Variants in CCM2 observed in about 807,000 individuals in gnomAD.
CCM2 encodes cerebral cavernous malformations 2 protein.
In CCM2, 25 loss-of-function variants were observed where a neutral mutation model predicts 44.9. The observed-to-expected ratio is 0.56, with a 90% CI of 0.41 to 0.78. The LOEUF (loss-of-function observed/expected upper bound fraction) is 0.78. CCM2 is among the 30% of genes least tolerant of loss of function. The pLI is 0.00. For missense variants in CCM2, 481 were observed against 580.6 expected (o/e 0.83, Z 1.76); for synonymous variants, 219 against 241.1 (o/e 0.91, Z 0.85).
intron 2 of CCM2, among the ~76,000 whole-genome samples, chr7:45,063,597 C>T (rs1798624735): frequency 6.6e-6 from 1 of 152,324 alleles, no homozygotes; most frequent in African/African-American, 2.4e-5. Context: ...AAACCCTGAC[C>T]ATCCCTGTTT....
chr7:45,019,314 A>G (rs1172230782), intron 1 of CCM2, among the ~76,000 whole-genome samples: 2 of 151,922 alleles, frequency 1.3e-5, no homozygotes, highest in African/African-American at 4.8e-5. Context: ...GCCTCAAGCC[A>G]TCCTCCTGCT....
chr7:45,040,981 C>T (rs1041526410), intron 2 of CCM2, among the ~76,000 whole-genome samples: 1 of 152,214 alleles, frequency 6.6e-6, no homozygotes, highest in Admixed American at 6.5e-5. Context: ...CAGCGTGAGA[C>T]GCGGTCTTCA....
chr7:45,067,089 A>G (rs911123661), intron 4 of CCM2, among the ~76,000 whole-genome samples: 1 of 151,654 alleles, frequency 6.6e-6, no homozygotes, highest in Non-Finnish European at 1.5e-5. Context: ...TTTAGTAGAG[A>G]TAGTATTTCA....
intron 1 of CCM2, among the ~76,000 whole-genome samples, chr7:45,018,996 A>G (rs1401176331): frequency 6.8e-6 from 1 of 147,326 alleles, no homozygotes; most frequent in African/African-American, 2.5e-5. Context: ...CTGACCTCAG[A>G]TGATCTGCCT....
chr7:45,072,965 C>T, intron 7 of CCM2, 182 bp downstream of exon 7: 1 of 679,144 alleles, frequency 1.5e-6, no homozygotes, highest in Non-Finnish European at 2.7e-6. Flanking sequence ...TCCTCGTAGA[C>T]TTCTAGAGCC....
chr7:45,021,792 G>A (rs1796492003), intron 1 of CCM2, among the ~76,000 whole-genome samples: 1 of 151,908 alleles, frequency 6.6e-6, no homozygotes, highest in Non-Finnish European at 1.5e-5. Context: ...GGAAGGTGGA[G>A]TCATTGTTCC....
intron 1 of CCM2, among the ~76,000 whole-genome samples, chr7:45,019,059 C>CTTTT (rs34045609): frequency 1.2e-4 from 11 of 93,306 alleles, no homozygotes; most frequent in African/African-American, 2.0e-4. Context: ...TGCGCCTGGC[C>CTTTT]TTTTTTTTTT....
chr7:45,006,141 C>G (rs1332725856), intron 1 of CCM2, among the ~76,000 whole-genome samples: 1 of 151,778 alleles, frequency 6.6e-6, no homozygotes, highest in Non-Finnish European at 1.5e-5. Flanking sequence ...ATGAAAACTT[C>G]AAAAGCAAAT....
intron 1 of CCM2, among the ~76,000 whole-genome samples, chr7:45,016,268 G>T (rs1047849690): frequency 6.6e-6 from 1 of 152,234 alleles, no homozygotes; most frequent in Non-Finnish European, 1.5e-5. Flanking sequence ...TATAGGAGGA[G>T]TTATGAATAT....
At chr7:45,067,999 A>C in intron 4 of CCM2, 1 of 249,098 alleles carries the variant, frequency 4.0e-6, no homozygotes, top group Non-Finnish European at 8.0e-6. Flanking sequence ...GTAGGATGTT[A>C]GAAACAAGGG....
intron 2 of CCM2, among the ~76,000 whole-genome samples, chr7:45,058,928 G>A (rs1160219382): frequency 7.1e-6 from 1 of 141,774 alleles, no homozygotes; most frequent in Non-Finnish European, 1.5e-5. Context: ...TATTTTTAGT[G>A]TAAACGGGGT....
intron 2 of CCM2, among the ~76,000 whole-genome samples, chr7:45,054,500 C>T (rs549915647): frequency 4.6e-5 from 7 of 151,064 alleles, no homozygotes; most frequent in South Asian, 4.2e-4. Flanking sequence ...AAAAAAAACA[C>T]TTATATCTTG....
intron 2 of CCM2, chr7:45,043,622 C>G (rs1230973003): frequency 3.0e-6 from 1 of 337,466 alleles, no homozygotes; most frequent in Non-Finnish European, 5.5e-6. Context: ...GGGTGAGACT[C>G]CATCCCAAAA....
At chr7:45,051,600 T>G (rs1203649401) in intron 2 of CCM2, among the ~76,000 whole-genome samples, 2 of 142,556 alleles carry the variant, frequency 1.4e-5, no homozygotes, top group African/African-American at 5.4e-5. Flanking sequence ...TCTTGCTCTG[T>G]CTCCCAGGCT....
chr7:45,057,742 A>T (rs1200563921), intron 2 of CCM2, among the ~76,000 whole-genome samples: 1 of 152,142 alleles, frequency 6.6e-6, no homozygotes, highest in Non-Finnish European at 1.5e-5. Flanking sequence ...TTGTTCTGAA[A>T]CTGCTCTAAT....
At chr7:45,063,665 T>C (rs187007406) in intron 2 of CCM2, among the ~76,000 whole-genome samples, 2 of 152,324 alleles carry the variant, frequency 1.3e-5, no homozygotes, top group Admixed American at 6.5e-5. Flanking sequence ...GGGATACTCA[T>C]TGCAGGACTT....
At chr7:45,002,769 G>C (rs560609323) in intron 1 of CCM2, among the ~76,000 whole-genome samples, 1 of 152,250 alleles carries the variant, frequency 6.6e-6, no homozygotes, top group African/African-American at 2.4e-5. Flanking sequence ...AATGTCTGTT[G>C]AGCCCCTCTT....
At chr7:45,017,745 A>G (rs1796322621) in intron 1 of CCM2, among the ~76,000 whole-genome samples, 2 of 152,160 alleles carry the variant, frequency 1.3e-5, no homozygotes, top group South Asian at 4.1e-4. Flanking sequence ...TGCCTGAACT[A>G]CAAAAGGGAG....
intron 2 of CCM2, among the ~76,000 whole-genome samples, chr7:45,039,024 A>G (rs192506215): frequency 6.6e-6 from 1 of 152,284 alleles, no homozygotes; most frequent in East Asian, 1.9e-4. Flanking sequence ...GAAGAAGGAA[A>G]CCGCTGAGGG....
Sources: gnomAD v4.1 joint callset for allele counts (sites outside exome capture counted in the v4.1 genomes callset) on GRCh38, gnomAD v4.1.1 for gene constraint, MANE v1.5 for transcripts, NCBI Gene and HGNC (gene_info 2026-07-23, HGNC 2026-07-21) for gene names.